Variants in TP63 observed in about 807,000 individuals in gnomAD.
The protein encoded by TP63 is tumor protein p63.
A neutral mutation model predicts 82.8 loss-of-function variants in TP63; 17 were observed. That is an observed-to-expected ratio of 0.21 (90% CI 0.14 to 0.31). The LOEUF (loss-of-function observed/expected upper bound fraction) is 0.31, where lower values mean the gene tolerates loss of function less well. Among genes scored for constraint, TP63 ranks in the 10% least tolerant of loss-of-function variants. The probability of loss-of-function intolerance (pLI) is 1.00; values close to 1 mark genes in which losing one functional copy is unlikely to be tolerated. For missense variants in TP63, 648 were observed against 895.3 expected (o/e 0.72, Z 3.52); for synonymous variants, 330 against 321.7 (o/e 1.03, Z -0.28).
intron 1 of TP63, among the ~76,000 whole-genome samples, chr3:189,722,743 C>T (rs1231407301): frequency 6.6e-6 from 1 of 152,092 alleles, no homozygotes; most frequent in Non-Finnish European, 1.5e-5. Context: ...ATTAAATATT[C>T]GTAAGGCACT....
intron 1 of TP63, among the ~76,000 whole-genome samples, chr3:189,732,775 G>A (rs934348784): frequency 1.3e-5 from 2 of 151,834 alleles, no homozygotes; most frequent in Admixed American, 6.6e-5. Context: ...TCCTCAAGGA[G>A]CTGTAAAACC....
intron 1 of TP63, among the ~76,000 whole-genome samples, chr3:189,708,655 A>G (rs968146747): frequency 2.0e-5 from 3 of 152,148 alleles, no homozygotes; most frequent in Non-Finnish European, 4.4e-5. Flanking sequence ...TTAAGAGTAG[A>G]CTGGGCAGGG....
At chr3:189,880,330 G>A in intron 10 of TP63, 1 of 1,292,388 alleles carries the variant, frequency 7.7e-7, no homozygotes, top group Non-Finnish European at 9.8e-7. Context: ...AAGGCACAAA[G>A]CCACTAGTGA....
At chr3:189,707,812 G>A (rs1214263185) in intron 1 of TP63, among the ~76,000 whole-genome samples, 1 of 152,092 alleles carries the variant, frequency 6.6e-6, no homozygotes, top group Non-Finnish European at 1.5e-5. Context: ...TATACTTCTT[G>A]TTAATTTAAA....
At chr3:189,701,742 TC>T (rs985853622) in intron 1 of TP63, among the ~76,000 whole-genome samples, 34 of 151,982 alleles carry the variant, frequency 2.2e-4, no homozygotes, top group African/African-American at 8.2e-4. Flanking sequence ...TCCTTTTCTA[TC>T]ATTTACTAGA....
At chr3:189,733,418 T>C (rs1000439114) in intron 1 of TP63, among the ~76,000 whole-genome samples, 3 of 152,200 alleles carry the variant, frequency 2.0e-5, no homozygotes, top group African/African-American at 7.2e-5. Flanking sequence ...ACTCATACTT[T>C]TTCGAATCTC....
At chr3:189,764,379 T>G (rs1303110070) in intron 3 of TP63, among the ~76,000 whole-genome samples, 1 of 152,206 alleles carries the variant, frequency 6.6e-6, no homozygotes, top group Non-Finnish European at 1.5e-5. Flanking sequence ...AATAGCTGGA[T>G]GGCTTATTTC....
At chr3:189,834,135 G>A (rs925818261) in intron 4 of TP63, among the ~76,000 whole-genome samples, 4 of 152,294 alleles carry the variant, frequency 2.6e-5, no homozygotes, top group Middle Eastern at 3.4e-3. Flanking sequence ...CTTGACTACC[G>A]TGGAGAGCTC....
intron 3 of TP63, among the ~76,000 whole-genome samples, chr3:189,750,572 T>A (rs1356349245): frequency 6.9e-6 from 1 of 145,514 alleles, no homozygotes; most frequent in Non-Finnish European, 1.6e-5. Flanking sequence ...TGTAACAAAA[T>A]AGCACATATA....
At chr3:189,657,669 A>C (rs1713503923) in intron 1 of TP63, among the ~76,000 whole-genome samples, 1 of 152,156 alleles carries the variant, frequency 6.6e-6, no homozygotes, top group Admixed American at 6.6e-5. Context: ...TACAACAGAT[A>C]AGCAATGAAA....
intron 3 of TP63, among the ~76,000 whole-genome samples, chr3:189,755,471 TTATAA>T (rs904272089): frequency 3.9e-5 from 6 of 152,146 alleles, no homozygotes; most frequent in African/African-American, 1.4e-4. Flanking sequence ...ATACTAAATG[TTATAA>T]TATACTTCTT....
intron 7 of TP63, 65 bp downstream of exon 7, chr3:189,868,007 C>T (rs910131089): frequency 3.2e-5 from 42 of 1,329,760 alleles, no homozygotes; most frequent in Non-Finnish European, 3.8e-5. Flanking sequence ...AAAGTGAAAT[C>T]GTGGCTGCTT....
intron 1 of TP63, among the ~76,000 whole-genome samples, chr3:189,641,812 T>C (rs1207401324): frequency 6.6e-6 from 1 of 152,226 alleles, no homozygotes; most frequent in Non-Finnish European, 1.5e-5. Context: ...ATGTTCAATC[T>C]AAACAAGGTA....
chr3:189,732,162 A>G (rs552507013), intron 1 of TP63, among the ~76,000 whole-genome samples: 8 of 152,300 alleles, frequency 5.3e-5, no homozygotes, highest in Admixed American at 2.6e-4. Flanking sequence ...TCCCACCGAC[A>G]ATGGCTGTTT....
intron 13 of TP63, among the ~76,000 whole-genome samples, chr3:189,891,581 T>G (rs190510676): frequency 6.6e-6 from 1 of 152,360 alleles, no homozygotes; most frequent in African/African-American, 2.4e-5. Context: ...GTTATCACTT[T>G]GCCTCTCTGG....
chr3:189,716,149 C>A (rs979839307), intron 1 of TP63, among the ~76,000 whole-genome samples: 1 of 152,176 alleles, frequency 6.6e-6, no homozygotes, highest in Non-Finnish European at 1.5e-5. Context: ...GGCAAAACCA[C>A]ATTTCTAAAA....
intron 1 of TP63, among the ~76,000 whole-genome samples, chr3:189,707,598 A>G (rs2108749662): frequency 6.6e-6 from 1 of 152,278 alleles, no homozygotes; most frequent in Middle Eastern, 3.4e-3. Context: ...GCTCTTTTAC[A>G]TATGTCATAG....
At position 189,896,811 on chromosome 3, in the gene TP63, G is replaced by A. The variant is rs931618305; in HGVS notation, c.*2309G>A. On this transcript the variant is annotated 3_prime_UTR_variant, in exon 14 of 14. Coordinates refer to ENST00000264731, the MANE Select transcript of TP63 (RefSeq NM_003722.5). The stretch of plus-strand genomic sequence containing the variant: ...CTCTCCTTGAGTGTATGAGTAGCCA[G>A]GGTAAGGGGTAAAAGGATAGTAAGC... 11 of 209,264 alleles carry A rather than the reference G, an allele frequency of 5.3e-5. No homozygotes were observed. Among genetic ancestry groups the A allele is most frequent in the Admixed American group, 2.4e-4 (4 of 16,922 alleles). 13.0% of individuals were successfully genotyped at this position (209,264 alleles called of 1,614,324 possible).
At chr3:189,753,418 T>A (rs1721961972) in intron 3 of TP63, among the ~76,000 whole-genome samples, 1 of 152,048 alleles carries the variant, frequency 6.6e-6, no homozygotes, top group African/African-American at 2.4e-5. Flanking sequence ...TATCTGATAA[T>A]TGCTTTTTTC....
Sources: allele counts gnomAD v4.1 joint callset (sites outside exome capture counted in the v4.1 genomes callset), GRCh38; gene constraint gnomAD v4.1.1; transcripts MANE v1.5; gene names NCBI Gene and HGNC (gene_info 2026-07-23, HGNC 2026-07-21).